Variants in GRID1 observed in about 807,000 individuals in gnomAD.
GRID1 encodes the protein glutamate ionotropic receptor delta type subunit 1.
A neutral mutation model predicts 98.0 loss-of-function variants in GRID1; 28 were observed. That is an observed-to-expected ratio of 0.29 (90% CI 0.21 to 0.39). The LOEUF (loss-of-function observed/expected upper bound fraction) is 0.39, where lower values mean the gene tolerates loss of function less well. Ranked by LOEUF, GRID1 falls within the 10% of genes least tolerant of loss-of-function variation. GRID1 has a pLI of 1.00. For synonymous variants in GRID1, 553 were observed against 538.5 expected (o/e 1.03, Z -0.37); for missense variants, 1,111 against 1,340.5 (o/e 0.83, Z 2.67).
intron 8 of GRID1, among the ~76,000 whole-genome samples, chr10:85,736,499 G>T (rs1371475214): frequency 6.6e-6 from 1 of 152,108 alleles, no homozygotes; most frequent in Non-Finnish European, 1.5e-5. Flanking sequence ...ATGTCTATCA[G>T]ACCTCATCTG....
chr10:85,840,422 G>A (rs1842951429), intron 8 of GRID1, among the ~76,000 whole-genome samples: 1 of 152,048 alleles, frequency 6.6e-6, no homozygotes, highest in Admixed American at 6.6e-5. Context: ...CTTGAAAACT[G>A]GCACAAGACA....
intron 2 of GRID1, among the ~76,000 whole-genome samples, chr10:86,251,134 C>A (rs1261635751): frequency 6.6e-6 from 1 of 152,100 alleles, no homozygotes. Flanking sequence ...TAAACAGATG[C>A]TTGAAAGCAG....
chr10:85,819,437 TAATA>T (rs998877242), intron 8 of GRID1, among the ~76,000 whole-genome samples: 3 of 152,170 alleles, frequency 2.0e-5, no homozygotes, highest in African/African-American at 7.2e-5. Context: ...AACTTGCTTC[TAATA>T]AATATCATAT....
intron 4 of GRID1, among the ~76,000 whole-genome samples, chr10:86,084,969 A>G (rs1236504420): frequency 1.3e-5 from 2 of 152,228 alleles, no homozygotes; most frequent in South Asian, 2.1e-4. Flanking sequence ...ATGGTTGCAC[A>G]ACACTGAAAA....
chr10:85,901,196 T>G (rs1330279591), intron 5 of GRID1, among the ~76,000 whole-genome samples: 1 of 151,810 alleles, frequency 6.6e-6, no homozygotes, highest in African/African-American at 2.4e-5. Flanking sequence ...AAGAGCTATC[T>G]TTTATTTATT....
At chr10:86,162,664 A>T (rs985440780) in intron 3 of GRID1, among the ~76,000 whole-genome samples, 3 of 152,176 alleles carry the variant, frequency 2.0e-5, no homozygotes, top group African/African-American at 4.8e-5. Context: ...GTCTGTCTGG[A>T]TCTGGAGCCA....
At chr10:85,804,103 A>T (rs980639960) in intron 8 of GRID1, among the ~76,000 whole-genome samples, 10 of 151,744 alleles carry the variant, frequency 6.6e-5, no homozygotes, top group African/African-American at 2.2e-4. Flanking sequence ...CATTCTTGAC[A>T]GTAACAATAA....
chr10:85,740,866 C>T (rs1841936097), intron 8 of GRID1, among the ~76,000 whole-genome samples: 5 of 152,004 alleles, frequency 3.3e-5, no homozygotes, highest in Non-Finnish European at 5.9e-5. Context: ...ATTCTCCTGC[C>T]TCAGCCTCCC....
rs144903118 is a variant in GRID1 at position 86,169,849 on chromosome 10, C to T, written c.521-30825G>A. Among the ~76,000 whole-genome samples, 409 of 152,318 alleles carry T rather than the reference C, an allele frequency of 2.7e-3. 16 individuals are homozygous for T. In the East Asian group the frequency reaches 0.061, roughly 23 times the overall value. ...ATTTACCGCTGAAACAGCCCAGCGG[C>T]AGCCCATGTGGCTCCACTGGGTCTT... is the stretch of plus-strand genomic sequence containing the variant. On this transcript the variant is annotated intron_variant, in intron 3 of 15. Transcript: ENST00000327946.
chr10:85,613,934 G>C (rs926729688), intron 14 of GRID1, among the ~76,000 whole-genome samples: 1 of 152,156 alleles, frequency 6.6e-6, no homozygotes, highest in Non-Finnish European at 1.5e-5. Flanking sequence ...ATCACATAAG[G>C]CCCATTACAT....
chr10:86,008,601 G>A (rs12783059), intron 4 of GRID1, among the ~76,000 whole-genome samples: 1 of 152,032 alleles, frequency 6.6e-6, no homozygotes, highest in African/African-American at 2.4e-5. Flanking sequence ...GACACAAATG[G>A]TCTTCTCACA....
At chr10:86,098,865 C>A (rs1265322889) in intron 4 of GRID1, among the ~76,000 whole-genome samples, 1 of 152,222 alleles carries the variant, frequency 6.6e-6, no homozygotes, top group Non-Finnish European at 1.5e-5. Flanking sequence ...ACTTAAGCTT[C>A]TCTAAGCCCT....
At chr10:86,148,063 T>A (rs530433435) in intron 3 of GRID1, among the ~76,000 whole-genome samples, 6 of 152,244 alleles carry the variant, frequency 3.9e-5, no homozygotes, top group Admixed American at 3.9e-4. Flanking sequence ...GCAGGCCCTC[T>A]TCTCTGGGAA....
At chr10:86,129,278 A>G (rs1017787074) in intron 4 of GRID1, among the ~76,000 whole-genome samples, 3 of 152,162 alleles carry the variant, frequency 2.0e-5, no homozygotes, top group Non-Finnish European at 4.4e-5. Context: ...ACTCCGTGGC[A>G]ATGTTCACCT....
At chr10:86,229,804 T>G (rs1427328251) in intron 2 of GRID1, among the ~76,000 whole-genome samples, 1 of 152,102 alleles carries the variant, frequency 6.6e-6, no homozygotes, top group African/African-American at 2.4e-5. Context: ...CTCCCCCACT[T>G]CACTAAGTCC....
intron 5 of GRID1, among the ~76,000 whole-genome samples, chr10:85,900,822 G>A (rs1171085783): frequency 6.6e-6 from 1 of 152,172 alleles, no homozygotes; most frequent in East Asian, 1.9e-4. Context: ...CATGTATGAC[G>A]AATGAACAAT....
intron 4 of GRID1, among the ~76,000 whole-genome samples, chr10:86,073,227 T>C (rs1307669215): frequency 2.0e-5 from 3 of 152,214 alleles, no homozygotes; most frequent in African/African-American, 7.2e-5. Context: ...GACGAATCCA[T>C]ACTCATCACA....
At chr10:85,936,532 A>G (rs1841928593) in intron 4 of GRID1, among the ~76,000 whole-genome samples, 1 of 151,236 alleles carries the variant, frequency 6.6e-6, no homozygotes, top group Non-Finnish European at 1.5e-5. Context: ...AAAAAAAAAG[A>G]AAAAGAGAAA....
intron 5 of GRID1, among the ~76,000 whole-genome samples, chr10:85,869,595 C>A (rs1204250039): frequency 1.3e-5 from 2 of 152,196 alleles, no homozygotes; most frequent in Non-Finnish European, 2.9e-5. Context: ...AATGAGTTTC[C>A]ATGAATTCTT....
Sources: allele counts gnomAD v4.1 joint callset (sites outside exome capture counted in the v4.1 genomes callset), GRCh38; gene constraint gnomAD v4.1.1; transcripts MANE v1.5; gene names NCBI Gene and HGNC (gene_info 2026-07-23, HGNC 2026-07-21).